Variants in RYR3 observed in about 807,000 individuals in gnomAD.
RYR3 encodes the protein brain ryanodine receptor-calcium release channel.
In RYR3, 207 loss-of-function variants were observed where a neutral mutation model predicts 584.3. That is an observed-to-expected ratio of 0.35 (90% confidence interval 0.32 to 0.40). The LOEUF is 0.40. RYR3 is among the 10% of genes least tolerant of loss of function. The probability of loss-of-function intolerance (pLI) is 1.00; values close to 1 mark genes in which losing one functional copy is unlikely to be tolerated. For synonymous variants in RYR3, 2,416 were observed against 2,248.5 expected (o/e 1.07, Z -2.11); for missense variants, 5,616 against 6,089.2 (o/e 0.92, Z 2.59).
Position 33,848,386 on chromosome 15 carries a change from C to T in RYR3, c.13593C>T (p.Ile4531=). 1 of 1,613,546 alleles carries T rather than the reference C, an allele frequency of 6.2e-7. No individual in the cohort carries two copies. Among genetic ancestry groups the T allele is most frequent in the Non-Finnish European group, 8.5e-7 (1 of 1,179,874 alleles). ...YITEQPSEDD[I]KGQWDRLVIN... Reference sequence around the variant, plus strand: ...CCGAACAGCCATCTGAAGATGACATCAAGGGGCAGTGGGACCGCTTGGTGA... The same window carrying T: ...CCGAACAGCCATCTGAAGATGACATTAAGGGGCAGTGGGACCGCTTGGTGA... The change falls in exon 94 of 104, where the codon ATC becomes ATT. Residue 4531 remains isoleucine, a synonymous_variant. Transcript: ENST00000634891.
At chr15:33,844,746 AATGTT>A in intron 92 of RYR3, 111 bp from the exon 93 acceptor site, 1 of 857,728 alleles carries the variant, frequency 1.2e-6, no homozygotes. Flanking sequence ...TTCAGCAAGT[AATGTT>A]GAGTCACTAC....
chr15:33,625,478 G>A (rs561479096), intron 20 of RYR3, among the ~76,000 whole-genome samples: 309 of 152,252 alleles, frequency 2.0e-3, no homozygotes, highest in Non-Finnish European at 3.6e-3. Flanking sequence ...GATCATCTGG[G>A]TCCTGTATAT....
chr15:33,367,833 G>A (rs984129605), intron 1 of RYR3, among the ~76,000 whole-genome samples: 3 of 152,132 alleles, frequency 2.0e-5, no homozygotes, highest in East Asian at 1.9e-4. Context: ...CAAGAATCCC[G>A]AGAGATTTTC....
chr15:33,344,232 G>T (rs934310836), intron 1 of RYR3, among the ~76,000 whole-genome samples: 1 of 152,166 alleles, frequency 6.6e-6, no homozygotes, highest in Non-Finnish European at 1.5e-5. Context: ...AAACTCTCTT[G>T]CTGACTTCAT....
chr15:33,831,161 T>G, intron 86 of RYR3, 70 bp downstream of exon 86: 1 of 1,450,748 alleles, frequency 6.9e-7, no homozygotes, highest in Non-Finnish European at 9.4e-7. Flanking sequence ...CTATATTCCC[T>G]ACAGAATACT....
intron 1 of RYR3, among the ~76,000 whole-genome samples, chr15:33,446,907 C>G (rs914068263): frequency 6.6e-6 from 1 of 152,226 alleles, no homozygotes; most frequent in Admixed American, 6.5e-5. Flanking sequence ...CCTTCACCAC[C>G]TTGCTCTGTT....
intron 65 of RYR3, among the ~76,000 whole-genome samples, chr15:33,783,023 A>G (rs1229797391): frequency 1.3e-5 from 2 of 152,122 alleles, no homozygotes; most frequent in African/African-American, 4.8e-5. Flanking sequence ...TCTTTGGTTG[A>G]TTATTCCAAT....
intron 38 of RYR3, among the ~76,000 whole-genome samples, chr15:33,679,998 G>A (rs2064472653): frequency 1.3e-5 from 2 of 152,158 alleles, no homozygotes; most frequent in South Asian, 4.2e-4. Context: ...AGATGGTCAG[G>A]TAGATGTGCT....
intron 1 of RYR3, among the ~76,000 whole-genome samples, chr15:33,356,493 A>C (rs1973989954): frequency 6.6e-6 from 1 of 152,166 alleles, no homozygotes; most frequent in Non-Finnish European, 1.5e-5. Context: ...GAATTTGTGG[A>C]CTTTTCTCTA....
intron 100 of RYR3, 135 bp downstream of exon 100, chr15:33,859,866 G>C: frequency 1.0e-6 from 1 of 965,888 alleles, no homozygotes. Context: ...AACTAATTTA[G>C]CATCTACTAT....
At chr15:33,699,206 G>A (rs185875586) in intron 40 of RYR3, among the ~76,000 whole-genome samples, 2 of 150,656 alleles carry the variant, frequency 1.3e-5, no homozygotes, top group Admixed American at 1.3e-4. Context: ...ATGTGTCTAC[G>A]ATCACCTGTG....
chr15:33,860,861 G>A (rs950818921), intron 101 of RYR3, among the ~76,000 whole-genome samples: 4 of 151,510 alleles, frequency 2.6e-5, no homozygotes, highest in Admixed American at 1.3e-4. Context: ...CCCACAATAG[G>A]AGGGAGCAGT....
rs528622700 is a variant in RYR3 at position 33,660,941 on chromosome 15, A to G, written c.4622+518A>G. The stretch of plus-strand genomic sequence containing the variant: ...CACCCAAAGGGTTTCTGGGAGGAAA[A>G]TAATGAGATTGTATAAGTATAATCT... On this transcript the variant is annotated intron_variant, in intron 34 of 103. Coordinates refer to ENST00000634891, the MANE Select transcript of RYR3 (RefSeq NM_001036.6). Among the ~76,000 whole-genome samples the G allele has an allele frequency of 1.1e-3, 161 of 152,362 alleles. 1 individual carries two copies. The highest frequency in any genetic ancestry group is 3.3e-3 in the African/African-American group (136 of 41,578).
At chr15:33,425,298 A>T (rs1408611840) in intron 1 of RYR3, among the ~76,000 whole-genome samples, 1 of 152,240 alleles carries the variant, frequency 6.6e-6, no homozygotes, top group Admixed American at 6.5e-5. Context: ...TGAGGAATGT[A>T]AAATCTAGTT....
At chr15:33,836,840 C>G in intron 87 of RYR3, 66 bp from the exon 88 acceptor site, 1 of 1,304,946 alleles carries the variant, frequency 7.7e-7, no homozygotes, top group Admixed American at 1.9e-5. Flanking sequence ...AGGCTCTTCT[C>G]GCTCACTGCC....
chr15:33,710,190 A>G (rs2152790680), intron 43 of RYR3, among the ~76,000 whole-genome samples: 1 of 152,318 alleles, frequency 6.6e-6, no homozygotes. Flanking sequence ...TGCAGGCTTT[A>G]TAGGAAGCAT....
intron 5 of RYR3, among the ~76,000 whole-genome samples, chr15:33,533,876 AATATC>A (rs1487822603): frequency 6.9e-6 from 1 of 145,254 alleles, no homozygotes; most frequent in Non-Finnish European, 1.5e-5. Flanking sequence ...TATCCTTTAT[AATATC>A]ATTTACTTTA....
intron 85 of RYR3, among the ~76,000 whole-genome samples, chr15:33,830,534 TTACTG>T (rs1165262543): frequency 1.3e-5 from 2 of 152,234 alleles, no homozygotes; most frequent in African/African-American, 4.8e-5. Context: ...AATGTTCACT[TTACTG>T]TAGTTTATCT....
intron 10 of RYR3, among the ~76,000 whole-genome samples, chr15:33,551,693 G>T (rs2056686179): frequency 6.6e-6 from 1 of 151,952 alleles, no homozygotes; most frequent in Admixed American, 6.6e-5. Context: ...TCTTCCAATG[G>T]CTATTGACTC....
Sources: gnomAD v4.1 joint callset for allele counts (sites outside exome capture counted in the v4.1 genomes callset) on GRCh38, gnomAD v4.1.1 for gene constraint, MANE v1.5 for transcripts, NCBI Gene and HGNC (gene_info 2026-07-23, HGNC 2026-07-21) for gene names.